CORO1C: variants seen among roughly 807,000 people sequenced by gnomAD.
CORO1C encodes coronin-1C.
In CORO1C, 14 loss-of-function variants were observed where a neutral mutation model predicts 51.2. The observed-to-expected ratio is 0.27, with a 90% CI of 0.18 to 0.43. CORO1C has a LOEUF of 0.43. CORO1C is among the 20% of genes least tolerant of loss of function. The probability of loss-of-function intolerance (pLI) is 1.00; values close to 1 mark genes in which losing one functional copy is unlikely to be tolerated. For synonymous variants in CORO1C, 181 were observed against 210.5 expected, an observed-to-expected ratio of 0.86 and a Z score of 1.21; for missense variants, 417 against 607.8, an observed-to-expected ratio of 0.69 and a Z score of 3.30.
intron 2 of CORO1C, among the ~76,000 whole-genome samples, chr12:108,693,921 TCTCACA>T (rs2136855680): frequency 6.6e-6 from 1 of 151,934 alleles, no homozygotes; most frequent in Non-Finnish European, 1.5e-5. Context: ...TGAAACTATC[TCTCACA>T]CCCCAGTGCT....
At chr12:108,698,479 C>T (rs2034761834) in intron 2 of CORO1C, among the ~76,000 whole-genome samples, 1 of 152,256 alleles carries the variant, frequency 6.6e-6, no homozygotes, top group Admixed American at 6.5e-5. Context: ...ACGATCTCAG[C>T]TCACTGCAAC....
At chr12:108,677,316 C>G (rs2033942850) in intron 3 of CORO1C, among the ~76,000 whole-genome samples, 1 of 152,128 alleles carries the variant, frequency 6.6e-6, no homozygotes, top group Non-Finnish European at 1.5e-5. Flanking sequence ...TAACTAAGGA[C>G]AAGAAATCAT....
intron 10 of CORO1C, 79 bp downstream of exon 10, chr12:108,648,526 C>T (rs79808687): frequency 3.8e-5 from 61 of 1,585,612 alleles, no homozygotes; most frequent in South Asian, 1.7e-4. Flanking sequence ...CAGTACTCGC[C>T]GACGCCCTGG....
At chr12:108,726,426 C>CA (rs1264132577) in intron 1 of CORO1C, among the ~76,000 whole-genome samples, 224 of 92,884 alleles carry the variant, frequency 2.4e-3, no homozygotes, top group South Asian at 0.011. Context: ...GACTCTGTCT[C>CA]AAAAAAAAAA....
intron 1 of CORO1C, among the ~76,000 whole-genome samples, chr12:108,719,380 GA>G (rs1268957224): frequency 4.3e-4 from 66 of 152,182 alleles, no homozygotes; most frequent in Non-Finnish European, 2.9e-5. Flanking sequence ...CATTTTTTGT[GA>G]CCACTTATCG....
At chr12:108,681,857 A>C (rs1173976194) in intron 2 of CORO1C, among the ~76,000 whole-genome samples, 1 of 152,222 alleles carries the variant, frequency 6.6e-6, no homozygotes, top group African/African-American at 2.4e-5. Context: ...GTACTATGTA[A>C]AACAGTACTA....
At chr12:108,677,134 G>A (rs2033936311) in intron 3 of CORO1C, among the ~76,000 whole-genome samples, 1 of 152,176 alleles carries the variant, frequency 6.6e-6, no homozygotes, top group African/African-American at 2.4e-5. Context: ...TGACACGTGC[G>A]AGACTACCTG....
rs2032319697 is a variant in CORO1C, at chr12:108,645,607, A to G, written c.*1796T>C. The G allele has an allele frequency of 6.6e-6, 1 of 152,194 alleles. No individual in the cohort carries two copies. Among genetic ancestry groups the G allele is most frequent in the African/African-American group, 2.4e-5 (1 of 41,440 alleles). 9.4% of individuals were successfully genotyped at this position (152,194 alleles called of 1,614,324 possible). ...CATACATACACACACACAAAACCAC[A>G]TCAAACATTCAGATGCCCTGAAATT... is the stretch of plus-strand genomic sequence containing the variant. On this transcript the variant is annotated 3_prime_UTR_variant, in exon 11 of 11. Coordinates refer to ENST00000261401, the MANE Select transcript of CORO1C (RefSeq NM_014325.4).
chr12:108,704,471 C>CAA lies in CORO1C; in HGVS notation c.-5-3150_-5-3149dup, dbSNP rs56011926. Among the ~76,000 whole-genome samples, 393 of 136,078 alleles carry CAA rather than the reference C, an allele frequency of 2.9e-3. 4 individuals carry two copies. Among genetic ancestry groups the CAA allele is most frequent in the African/African-American group, 9.9e-3 (371 of 37,318 alleles). The allele number at this position is 136,078 out of a possible 152,430, so 89.3% of individuals were successfully genotyped here. ...TGGGCGACATAGCAAGATTCCATCT[C>CAA]AAAAAAAAAAAAAAGTTATTTCCAT... is the stretch of plus-strand genomic sequence containing the variant. On this transcript the variant is annotated intron_variant, in intron 1 of 10. Coordinates refer to ENST00000261401, the MANE Select transcript of CORO1C (RefSeq NM_014325.4).
chr12:108,702,650 AGAG>A (rs1325402304), intron 1 of CORO1C: 4 of 755,106 alleles, frequency 5.3e-6, no homozygotes, highest in Non-Finnish European at 7.8e-6. Flanking sequence ...CCTCATATAC[AGAG>A]GAGAGCTAAC....
chr12:108,678,323 G>A lies in CORO1C; in HGVS notation c.267C>T (p.Cys89=). ...TGGCAATGACCTGATCGTTATGTGG[G>A]CACCAGTCTATGTCCAGCACTGGTC... ...HTGPVLDIDW[C]PHNDQVIASG... The change falls in exon 3 of 11, where the codon TGC becomes TGT. Residue 89 remains cysteine, a synonymous_variant. Coordinates refer to ENST00000261401, the MANE Select transcript of CORO1C (RefSeq NM_014325.4). 6.2e-7 allele frequency: 1 copy of A among 1,613,016 alleles called. No individual in the cohort carries two copies. Among genetic ancestry groups the A allele is most frequent in the Admixed American group, 1.7e-5 (1 of 59,906 alleles).
At chr12:108,719,148 A>G (rs946542511) in intron 1 of CORO1C, among the ~76,000 whole-genome samples, 12 of 152,362 alleles carry the variant, frequency 7.9e-5, no homozygotes, top group South Asian at 6.2e-4. Flanking sequence ...TTAATTCTCT[A>G]TGCTAAATTA....
chr12:108,670,206 A>C (rs2033662886), intron 3 of CORO1C, among the ~76,000 whole-genome samples: 2 of 152,200 alleles, frequency 1.3e-5, no homozygotes, highest in Non-Finnish European at 2.9e-5. Flanking sequence ...ACCAACAGCC[A>C]CACGACCTGC....
At chr12:108,684,992 C>T (rs2034248687) in intron 2 of CORO1C, among the ~76,000 whole-genome samples, 1 of 152,124 alleles carries the variant, frequency 6.6e-6, no homozygotes, top group South Asian at 2.1e-4. Context: ...TGATGGCCAA[C>T]TATAGTACTG....
chr12:108,725,375 T>C (rs1261503942), intron 1 of CORO1C, among the ~76,000 whole-genome samples: 1 of 152,242 alleles, frequency 6.6e-6, no homozygotes, highest in African/African-American at 2.4e-5. Context: ...GGAACAGGAA[T>C]GTATTCAGTA....
intron 1 of CORO1C, chr12:108,703,044 A>T: frequency 8.3e-7 from 1 of 1,198,440 alleles, no homozygotes; most frequent in Non-Finnish European, 1.1e-6. Context: ...GAGTTAGATA[A>T]GACAGCTTCC....
chr12:108,722,223 A>T (rs1358413725), intron 1 of CORO1C, among the ~76,000 whole-genome samples: 4 of 152,254 alleles, frequency 2.6e-5, no homozygotes, highest in African/African-American at 9.6e-5. Context: ...GTGAAATGAC[A>T]TGAATAAAGC....
chr12:108,655,627 C>G (rs1412778677), intron 6 of CORO1C, among the ~76,000 whole-genome samples: 2 of 152,266 alleles, frequency 1.3e-5, no homozygotes, highest in African/African-American at 4.8e-5. Context: ...AGTAATCCGC[C>G]AGCCTCGGCC....
intron 2 of CORO1C, among the ~76,000 whole-genome samples, chr12:108,688,887 C>T (rs866311430): frequency 1.3e-5 from 2 of 152,072 alleles, no homozygotes; most frequent in East Asian, 1.9e-4. Context: ...AAAATTAGCC[C>T]GTTGTGGTGG....
Sources: allele counts gnomAD v4.1 joint callset (sites outside exome capture counted in the v4.1 genomes callset), GRCh38; gene constraint gnomAD v4.1.1; transcripts MANE v1.5; gene names NCBI Gene and HGNC (gene_info 2026-07-23, HGNC 2026-07-21).